The following SYNM variants were observed in gnomAD, a reference collection of about 807,000 sequenced individuals.
SYNM encodes the protein synemin.
In SYNM, 95 loss-of-function variants were observed where a neutral mutation model predicts 104.0. The observed-to-expected ratio is 0.91, with a 90% CI of 0.77 to 1.08. The LOEUF (loss-of-function observed/expected upper bound fraction) is 1.08. SYNM is among the 50% of genes least tolerant of loss of function. The probability of loss-of-function intolerance (pLI) is 0.00; values close to 1 mark genes in which losing one functional copy is unlikely to be tolerated. For synonymous variants in SYNM, 918 were observed against 869.0 expected, an observed-to-expected ratio of 1.06 and a Z score of -0.99; for missense variants, 2,150 against 2,052.2, an observed-to-expected ratio of 1.05 and a Z score of -0.92.
At chr15:99,112,960 T>C (rs1162334929) in intron 1 of SYNM, among the ~76,000 whole-genome samples, 1 of 152,152 alleles carries the variant, frequency 6.6e-6, no homozygotes, top group African/African-American at 2.4e-5. Flanking sequence ...ATCCGCCCGC[T>C]TCGGCCTCCC....
At chr15:99,120,210 G>C (rs1409133575) in intron 2 of SYNM, among the ~76,000 whole-genome samples, 1 of 152,212 alleles carries the variant, frequency 6.6e-6, no homozygotes, top group Non-Finnish European at 1.5e-5. Context: ...AATTAGAAAG[G>C]AGCTGGATGT....
chr15:99,124,310 C>G (rs900281602), intron 2 of SYNM, among the ~76,000 whole-genome samples: 2 of 152,238 alleles, frequency 1.3e-5, no homozygotes, highest in East Asian at 3.8e-4. Flanking sequence ...CTTGTTGATG[C>G]TTTCGCCGTG....
chr15:99,119,708 A>G (rs1439201489), intron 2 of SYNM, among the ~76,000 whole-genome samples: 3 of 152,248 alleles, frequency 2.0e-5, no homozygotes, highest in Non-Finnish European at 4.4e-5. Flanking sequence ...AACACCCGAG[A>G]TGAGCAACAC....
At chr15:99,129,272 AT>A in intron 3 of SYNM, 94 bp from the exon 4 acceptor site, 9 of 1,491,464 alleles carry the variant, frequency 6.0e-6, no homozygotes, top group Non-Finnish European at 8.1e-6. Context: ...TATATTTATT[AT>A]GATGGAATGG....
downstream of SYNM, chr15:99,137,915 G>C (rs1280981683): frequency 7.1e-6 from 11 of 1,560,126 alleles, no homozygotes; most frequent in Non-Finnish European, 8.7e-6. Flanking sequence ...TCTGTATCCT[G>C]ACTGTTGAAT....
downstream of SYNM, chr15:99,138,110 G>A (rs565376889): frequency 1.9e-5 from 30 of 1,612,908 alleles, no homozygotes; most frequent in Middle Eastern, 2.0e-4. Context: ...CCTTGGCTTC[G>A]AAGCAACCTT....
rs782719594 is a variant in SYNM at position 99,131,072 on chromosome 15, C to T, written c.2712C>T (p.Ser904=). 1.2e-6 allele frequency: 2 copies of T among 1,605,620 alleles called. No homozygotes were observed. The highest frequency in any genetic ancestry group is 1.1e-5 in the South Asian group (1 of 89,694). Residue 904 remains serine, a synonymous_variant, in exon 4 of 4, where the codon TCC becomes TCT. Transcript: ENST00000336292. This position sits in a 1 kb window ranked among gnomAD's most constrained non-coding sequence, Gnocchi z 4.3. ...CCTCTCTGGAGGGGGACCTGGGTTC[C>T]ACTCACTGGAAAGAACAAGCTAGAA... ...PAPSLEGDLG[S]THWKEQARSG...
chr15:99,105,506 C>T lies in SYNM; in HGVS notation c.307C>T (p.Arg103Cys). Residue 103 changes from arginine (R) to cysteine (C), a missense_variant, in exon 1 of 4, where the codon CGC (arginine) becomes TGC (cysteine). Transcript: ENST00000336292. ...GCTGCAGCGCCTGGATGCGGAGGAG[C>T]GCGCCGCCCGCGGCCGCCTGGACGC... ...RELQRLDAEE[R>C]AARGRLDAEL... The T allele has an allele frequency of 7.8e-7, 1 of 1,278,510 alleles. No individual in the cohort carries two copies. The allele number at this position is 1,278,510 out of a possible 1,614,324, so 79.2% of individuals were successfully genotyped here. A position where few individuals can be genotyped will look rare whatever the true frequency, so the allele number is the denominator to read the frequency against.
At position 99,134,891 on chromosome 15, in the gene SYNM, C is replaced by T. The variant is rs191068419; in HGVS notation, c.*1833C>T. 4.1e-4 allele frequency: 63 copies of T among 152,354 alleles called. No individual in the cohort carries two copies. The highest frequency in any genetic ancestry group is 2.2e-3 in the Admixed American group (33 of 15,312). 9.4% of individuals were successfully genotyped at this position (152,354 alleles called of 1,614,324 possible). A position where few individuals can be genotyped will look rare whatever the true frequency, so the allele number is the denominator to read the frequency against. On this transcript the variant is annotated 3_prime_UTR_variant, in exon 4 of 4. Coordinates refer to ENST00000336292, the MANE Select transcript of SYNM (RefSeq NM_145728.3). ...GATTGTCAGACTGGTATGGAGGTGA[C>T]TGCTTTGTAAGGTTTTGTCGTTTCT...
In SYNM at chr15:99,131,895, G is replaced by A. The variant is rs369434845; in HGVS notation, c.3535G>A (p.Gly1179Ser). 4.5e-5 allele frequency: 72 copies of A among 1,613,914 alleles called. 1 individual carries two copies. Among genetic ancestry groups the A allele is most frequent in the South Asian group, 1.6e-4 (15 of 91,082 alleles). ...RSVRHVTLGP[G>S]QSPLSREVIF... ...TGTGAGGCATGTCACGCTGGGTCCC[G>A]GTCAAAGTCCACTGTCCAGAGAAGT... The change falls in exon 4 of 4, where the codon GGT (glycine) becomes AGT (serine). Residue 1179 changes from glycine to serine, a missense_variant. By Grantham distance (56) the Gly-to-Ser change is moderately conservative (BLOSUM62 0). Coordinates refer to ENST00000336292, the MANE Select transcript of SYNM (RefSeq NM_145728.3). The surrounding 1 kb of genome is among the most constrained non-coding windows in gnomAD (Gnocchi z 4.3).
Position 99,135,287 on chromosome 15 carries a change from CTGTGACAT to C in SYNM, c.*2245_*2252del, listed in dbSNP as rs747237239. Reference sequence around the variant, plus strand: ...CGCGGGAGTGAGTGTGCCCTTCACACTGTGACATTGTGACATTGTGACAAGCTCCATGT... The same window carrying C: ...CGCGGGAGTGAGTGTGCCCTTCACACTGTGACATTGTGACAAGCTCCATGT... On this transcript the variant is annotated 3_prime_UTR_variant, in exon 4 of 4. Coordinates refer to ENST00000336292, the MANE Select transcript of SYNM (RefSeq NM_145728.3). The C allele has an allele frequency of 7.5e-4, 114 of 152,772 alleles. No individual in the cohort carries two copies. The highest frequency in any genetic ancestry group is 2.3e-3 in the African/African-American group (94 of 41,564). 9.5% of individuals were successfully genotyped at this position (152,772 alleles called of 1,614,324 possible).
intron 2 of SYNM, among the ~76,000 whole-genome samples, chr15:99,121,162 G>A (rs1237468753): frequency 2.6e-5 from 4 of 152,102 alleles, no homozygotes; most frequent in Non-Finnish European, 4.4e-5. Flanking sequence ...GAACTTGCAA[G>A]GGGAGTGAGG....
chr15:99,140,074 T>TTTTA (rs2068052155), downstream of SYNM: 2 of 201,518 alleles, frequency 9.9e-6, no homozygotes, highest in African/African-American at 4.7e-5. Flanking sequence ...CCAAAGACCC[T>TTTTA]TTTATTTTTT....
rs1555486227 is a variant in SYNM at position 99,132,843 on chromosome 15, A to G, written c.4483A>G (p.Ser1495Gly). 2 of 1,613,998 alleles carry G rather than the reference A, an allele frequency of 1.2e-6. No homozygotes were observed. The highest frequency in any genetic ancestry group is 1.7e-6 in the Non-Finnish European group (2 of 1,179,890). The change falls in exon 4 of 4, where the codon AGT becomes GGT. Residue 1495 changes from serine (S) to glycine (G), a missense_variant. By Grantham distance (56) the Ser-to-Gly change is moderately conservative (BLOSUM62 0). Transcript: ENST00000336292. ...SDRGSWRDADSRNDQAVGVSF... is the reference protein window; with the variant it reads ...SDRGSWRDADGRNDQAVGVSF... The stretch of plus-strand genomic sequence containing the variant: ...CCGTGGTTCCTGGAGAGACGCGGAC[A>G]GTAGGAATGACCAGGCAGTTGGTGT...
In SYNM at chr15:99,132,383, C is replaced by T; in HGVS notation, c.4023C>T (p.Ser1341=). 1 of 1,613,972 alleles carries T rather than the reference C, an allele frequency of 6.2e-7. No homozygotes were observed. The highest frequency in any genetic ancestry group is 8.5e-7 in the Non-Finnish European group (1 of 1,179,880). ...PQLGESGDSE[S]TVHGEGSADV... is the part of the protein sequence containing the mutation. ...TGGGGGAATCTGGTGACTCAGAGAG[C>T]ACTGTGCACGGAGAGGGCTCAGCAG... Residue 1341 remains serine, a synonymous_variant, in exon 4 of 4, where the codon AGC becomes AGT. Transcript: ENST00000336292.
rs1479611404 is a variant in SYNM at position 99,105,460 on chromosome 15, T to C, written c.261T>C (p.Ala87=). ...CGCTGGCGGAGGGCGAGCGGGACGCTCTGCGGCGCGAGCTGCGGGAGCTGC... is the reference window on the plus strand; with the variant it reads ...CGCTGGCGGAGGGCGAGCGGGACGCCCTGCGGCGCGAGCTGCGGGAGCTGC... ...ATALAEGERD[A]LRRELRELQR... The change falls in exon 1 of 4, where the codon GCT becomes GCC. Residue 87 remains alanine, a synonymous_variant. Coordinates refer to ENST00000336292, the MANE Select transcript of SYNM (RefSeq NM_145728.3). 3.6e-6 allele frequency: 5 copies of C among 1,402,880 alleles called. No individual in the cohort carries two copies. The highest frequency in any genetic ancestry group is 4.6e-6 in the Non-Finnish European group (5 of 1,082,592). 86.9% of individuals were successfully genotyped at this position (1,402,880 alleles called of 1,614,324 possible).
Position 99,105,519 on chromosome 15 carries a change from G to A in SYNM, c.320G>A (p.Gly107Asp), listed in dbSNP as rs2067224565. Residue 107 changes from glycine to aspartate, a missense_variant, in exon 1 of 4, where the codon GGC (glycine) becomes GAC (aspartate). Physicochemically the swap from Gly to Asp is moderately conservative, Grantham distance 94. Transcript: ENST00000336292. Reference sequence around the variant, plus strand: ...GATGCGGAGGAGCGCGCCGCCCGCGGCCGCCTGGACGCCGAGCTGGGTGCG... The same window carrying A: ...GATGCGGAGGAGCGCGCCGCCCGCGACCGCCTGGACGCCGAGCTGGGTGCG... ...RLDAEERAARGRLDAELGAQQ... is the reference protein window; with the variant it reads ...RLDAEERAARDRLDAELGAQQ... 2 of 1,260,846 alleles carry A rather than the reference G, an allele frequency of 1.6e-6. No homozygotes were observed. The highest frequency in any genetic ancestry group is 9.9e-7 in the Non-Finnish European group (1 of 1,006,064). 78.1% of individuals were successfully genotyped at this position (1,260,846 alleles called of 1,614,324 possible). A position where few individuals can be genotyped will look rare whatever the true frequency, so the allele number is the denominator to read the frequency against.
chr15:99,129,921 G>A lies in SYNM; in HGVS notation c.1561G>A (p.Glu521Lys). ...NRPETIRTKP[E>K]EKMFDSKEKA... ...ACCAGAAACCATCCGAACAAAGCCA[G>A]AAGAGAAAATGTTCGATTCTAAAGA... The change falls in exon 4 of 4, where the codon GAA (glutamate) becomes AAA (lysine). Residue 521 changes from glutamate to lysine, a missense_variant. By Grantham distance (56) the Glu-to-Lys change is moderately conservative. Transcript: ENST00000336292. The A allele has an allele frequency of 6.2e-7, 1 of 1,612,474 alleles. No homozygotes were observed. Among genetic ancestry groups the A allele is most frequent in the Non-Finnish European group, 8.5e-7 (1 of 1,179,118 alleles).
chr15:99,130,230 G>A lies in SYNM; in HGVS notation c.1870G>A (p.Asp624Asn), dbSNP rs1172742738. 3 of 1,613,862 alleles carry A rather than the reference G, an allele frequency of 1.9e-6. No individual in the cohort carries two copies. Among genetic ancestry groups the A allele is most frequent in the Admixed American group, 3.3e-5 (2 of 59,998 alleles). The change falls in exon 4 of 4, where the codon GAT becomes AAT. Residue 624 changes from aspartate (D) to asparagine (N), a missense_variant. Coordinates refer to ENST00000336292, the MANE Select transcript of SYNM (RefSeq NM_145728.3). ...GCTACGGTTCAGGTTGGGCACCAGT[G>A]ATGCCACTGGTTCTCTGCAAGGCGA... Reference protein sequence around the residue: ...RELRFRLGTSDATGSLQGDSM... With the variant: ...RELRFRLGTSNATGSLQGDSM...
Sources: gnomAD v4.1 joint callset for allele counts (sites outside exome capture counted in the v4.1 genomes callset) on GRCh38, gnomAD v4.1.1 for gene constraint, Gnocchi (gnomAD v3.1) non-coding constraint, MANE v1.5 for transcripts, NCBI Gene and HGNC (gene_info 2026-07-23, HGNC 2026-07-21) for gene names.